Variants in CPNE4 observed in about 807,000 individuals in gnomAD.
CPNE4 encodes copine 4, also known as copine-4.
In CPNE4, 25 loss-of-function variants were observed where a neutral mutation model predicts 67.9. That is an observed-to-expected ratio of 0.37 (90% CI 0.27 to 0.51). The LOEUF (loss-of-function observed/expected upper bound fraction) is 0.51. Among genes scored for constraint, CPNE4 ranks in the 20% least tolerant of loss-of-function variants. The pLI is 0.93. For missense variants in CPNE4, 464 were observed against 690.8 expected (o/e 0.67, Z 3.68); for synonymous variants, 242 against 244.9 (o/e 0.99, Z 0.11).
intron 1 of CPNE4, among the ~76,000 whole-genome samples, chr3:131,959,402 A>T (rs2072099615): frequency 6.6e-6 from 1 of 152,168 alleles, no homozygotes; most frequent in Admixed American, 6.5e-5. Flanking sequence ...GAATAAAATG[A>T]GATAAATACA....
intron 2 of CPNE4, among the ~76,000 whole-genome samples, chr3:131,735,950 A>C (rs1483200148): frequency 2.0e-5 from 3 of 152,200 alleles, no homozygotes; most frequent in Non-Finnish European, 4.4e-5. Flanking sequence ...CTGAAGCCAA[A>C]TCCAAGTTAC....
In CPNE4 at chr3:131,904,065, T is replaced by C. The variant is rs888250461; in HGVS notation, c.180+1199A>G. On this transcript the variant is annotated intron_variant, in intron 2 of 15. Transcript: ENST00000429747. ...TGGGGGCCCATCGCTCTTTGAAGAA[T>C]GACTCACAGAAATGTCATTCCATTC... Among the ~76,000 whole-genome samples the C allele has an allele frequency of 4.6e-4, 70 of 152,134 alleles. 2 individuals are homozygous for C. The highest frequency in any genetic ancestry group is 2.6e-4 in the Non-Finnish European group (18 of 68,016).
At chr3:131,695,371 G>A (rs2081128250) in intron 5 of CPNE4, among the ~76,000 whole-genome samples, 1 of 152,152 alleles carries the variant, frequency 6.6e-6, no homozygotes, top group Non-Finnish European at 1.5e-5. Context: ...TTTGACTAAA[G>A]GGAAACTGCT....
chr3:131,607,638 C>T (rs906283213), intron 7 of CPNE4, among the ~76,000 whole-genome samples: 9 of 152,086 alleles, frequency 5.9e-5, no homozygotes, highest in Admixed American at 1.3e-4. Context: ...AAGCACACAT[C>T]GAAATGTATT....
At chr3:131,816,727 A>G (rs1000124908) in intron 2 of CPNE4, among the ~76,000 whole-genome samples, 18 of 152,182 alleles carry the variant, frequency 1.2e-4, no homozygotes, top group Non-Finnish European at 1.9e-4. Context: ...AGTGATTTGC[A>G]TTATGTAATT....
At chr3:131,839,865 A>C (rs1487185622) in intron 2 of CPNE4, among the ~76,000 whole-genome samples, 1 of 152,180 alleles carries the variant, frequency 6.6e-6, no homozygotes, top group Non-Finnish European at 1.5e-5. Flanking sequence ...TCACCTGTTA[A>C]AGGAGGGGTT....
chr3:131,727,429 C>T (rs1300753862), intron 2 of CPNE4, among the ~76,000 whole-genome samples: 1 of 151,870 alleles, frequency 6.6e-6, no homozygotes, highest in Non-Finnish European at 1.5e-5. Flanking sequence ...CCCGCCACTG[C>T]ACTCCAGCCT....
At chr3:131,856,508 T>C (rs2086449649) in intron 2 of CPNE4, among the ~76,000 whole-genome samples, 1 of 151,976 alleles carries the variant, frequency 6.6e-6, no homozygotes, top group Non-Finnish European at 1.5e-5. Flanking sequence ...CACTCTGTAG[T>C]TGTACAGAAT....
intron 2 of CPNE4, among the ~76,000 whole-genome samples, chr3:131,851,919 T>A (rs1451973262): frequency 6.6e-6 from 1 of 151,998 alleles, no homozygotes; most frequent in African/African-American, 2.4e-5. Context: ...TTCCAGCCCT[T>A]TCCTGATAAC....
intron 2 of CPNE4, among the ~76,000 whole-genome samples, chr3:131,835,983 T>G (rs1000814122): frequency 6.6e-5 from 10 of 152,112 alleles, no homozygotes; most frequent in African/African-American, 2.4e-4. Context: ...TTTTCAATCT[T>G]TGTATGAAGT....
intron 7 of CPNE4, among the ~76,000 whole-genome samples, chr3:131,601,221 A>T (rs1553736525): frequency 6.6e-6 from 1 of 152,186 alleles, no homozygotes; most frequent in Non-Finnish European, 1.5e-5. Flanking sequence ...GGTGGGAATT[A>T]CTTTTTGTTC....
chr3:131,660,741 G>T (rs2080102601), intron 7 of CPNE4, among the ~76,000 whole-genome samples: 1 of 152,120 alleles, frequency 6.6e-6, no homozygotes, highest in Non-Finnish European at 1.5e-5. Context: ...TAATAAGAGT[G>T]TCTCCCTGTG....
chr3:131,880,134 T>A (rs1055585567), intron 2 of CPNE4, among the ~76,000 whole-genome samples: 3 of 149,632 alleles, frequency 2.0e-5, no homozygotes, highest in Non-Finnish European at 3.0e-5. Flanking sequence ...ATATACATAT[T>A]TTTTTTTTTT....
At chr3:131,781,820 A>AT (rs2083438286) in intron 2 of CPNE4, among the ~76,000 whole-genome samples, 1 of 152,074 alleles carries the variant, frequency 6.6e-6, no homozygotes, top group African/African-American at 2.4e-5. Context: ...GTGGCTTCAC[A>AT]TTTTTTGTCT....
chr3:131,782,704 C>G (rs1398769), intron 2 of CPNE4, among the ~76,000 whole-genome samples: 30,855 of 152,052 alleles, frequency 0.2, 3,830 homozygotes, highest in Middle Eastern at 0.27. Context: ...TAGAAATGTA[C>G]ATCTACCATT....
intron 2 of CPNE4, among the ~76,000 whole-genome samples, chr3:131,757,168 T>A (rs897197862): frequency 1.3e-5 from 2 of 152,184 alleles, no homozygotes; most frequent in African/African-American, 4.8e-5. Flanking sequence ...ACTTTGGAAC[T>A]GGGTAACAGG....
chr3:131,848,961 A>AAAAAAAAAC lies in CPNE4; in HGVS notation c.180+56302_180+56303insGTTTTTTTT, dbSNP rs1186953827. ...TGGAATGACAGTAGTGATTACAAAA[A>AAAAAAAAAC]AAAAAAAAAAAAAAAAAAAAACACA... On this transcript the variant is annotated intron_variant, in intron 2 of 15. Transcript: ENST00000429747. Among the ~76,000 whole-genome samples the AAAAAAAAAC allele has an allele frequency of 1.6e-3, 96 of 58,726 alleles. 5 individuals carry two copies. Among genetic ancestry groups the AAAAAAAAAC allele is most frequent in the African/African-American group, 3.7e-3 (95 of 25,980 alleles). 38.5% of individuals were successfully genotyped at this position (58,726 alleles called of 152,430 possible). A position where few individuals can be genotyped will look rare whatever the true frequency, so the allele number is the denominator to read the frequency against.
intron 1 of CPNE4, among the ~76,000 whole-genome samples, chr3:132,031,982 A>G (rs377242568): frequency 1.3e-5 from 2 of 152,186 alleles, no homozygotes; most frequent in Admixed American, 6.5e-5. Flanking sequence ...ACTAACTGAA[A>G]TGAGGTATTT....
intron 7 of CPNE4, among the ~76,000 whole-genome samples, chr3:131,625,062 A>G (rs560162467): frequency 3.3e-5 from 5 of 151,952 alleles, no homozygotes; most frequent in African/African-American, 1.2e-4. Flanking sequence ...TCCTGCCAGA[A>G]CTCTGACTGA....
Sources: gnomAD v4.1 joint callset for allele counts (sites outside exome capture counted in the v4.1 genomes callset) on GRCh38, gnomAD v4.1.1 for gene constraint, MANE v1.5 for transcripts, NCBI Gene and HGNC (gene_info 2026-07-23, HGNC 2026-07-21) for gene names.